AHR: variants seen among roughly 807,000 people sequenced by gnomAD.
AHR encodes the protein aryl hydrocarbon receptor, also known as AH-receptor.
A neutral mutation model predicts 86.8 loss-of-function variants in AHR; 40 were observed. The ratio of observed to expected loss-of-function variants is 0.46; its 90% CI spans 0.36 to 0.60. AHR has a LOEUF of 0.60. Among genes scored for constraint, AHR ranks in the 20% least tolerant of loss-of-function variants. The pLI, the probability that AHR is intolerant of heterozygous loss-of-function variation, is 0.00. For missense variants in AHR, 1,001 were observed against 1,011.6 expected, an observed-to-expected ratio of 0.99 and a Z score of 0.14; for synonymous variants, 398 against 354.9, an observed-to-expected ratio of 1.12 and a Z score of -1.37.
At chr7:17,333,565 A>G (rs1782322500) in intron 6 of AHR, among the ~76,000 whole-genome samples, 1 of 152,016 alleles carries the variant, frequency 6.6e-6, no homozygotes, top group South Asian at 2.1e-4. Context: ...TTAGGACTTT[A>G]TCACCATTCA....
At chr7:17,331,703 A>G (rs994635304) in intron 6 of AHR, among the ~76,000 whole-genome samples, 16 of 151,916 alleles carry the variant, frequency 1.1e-4, no homozygotes, top group African/African-American at 3.4e-4. Flanking sequence ...TCTTGTTACA[A>G]AGTCTGAACA....
intron 4 of AHR, 92 bp downstream of exon 4, chr7:17,327,940 T>C: frequency 2.5e-6 from 1 of 395,718 alleles, no homozygotes; most frequent in East Asian, 5.5e-5. Context: ...ATGTATAAAG[T>C]ATCAATATAT....
chr7:17,324,590 C>T (rs545932037), intron 3 of AHR, among the ~76,000 whole-genome samples: 1 of 152,172 alleles, frequency 6.6e-6, no homozygotes, highest in South Asian at 2.1e-4. Flanking sequence ...ATCACGAGGT[C>T]AGGAGTTCAA....
At chr7:17,317,116 G>GTTTTTTTTT (rs66779121) in intron 2 of AHR, among the ~76,000 whole-genome samples, 7 of 123,676 alleles carry the variant, frequency 5.7e-5, no homozygotes, top group Non-Finnish European at 1.1e-4. Flanking sequence ...GGAGAATTTT[G>GTTTTTTTTT]TTTTTTTTTT....
Position 17,339,186 on chromosome 7 carries a change from G to T in AHR, c.1361G>T (p.Ser454Ile). The T allele has an allele frequency of 1.2e-6, 2 of 1,614,146 alleles. No homozygotes were observed. Among genetic ancestry groups the T allele is most frequent in the Non-Finnish European group, 8.5e-7 (1 of 1,180,018 alleles). Residue 454 changes from serine to isoleucine, a missense_variant, in exon 10 of 11, where the codon AGT (serine) becomes ATT (isoleucine). Transcript: ENST00000242057. ...STLSKDSLNPSSLLAAMMQQD... is the reference protein window; with the variant it reads ...STLSKDSLNPISLLAAMMQQD... Reference sequence around the variant, plus strand: ...CTAAGCAAGGACTCTCTCAATCCTAGTTCCCTCCTGGCTGCCATGATGCAA... The same window carrying T: ...CTAAGCAAGGACTCTCTCAATCCTATTTCCCTCCTGGCTGCCATGATGCAA...
rs763620530 is a variant in AHR at position 17,299,295 on chromosome 7, G to A, written c.31G>A (p.Ala11Thr). MNSSSANITY[A>T]SRKRRKPVQK... ...CAGCAGCAGCGCCAACATCACCTAC[G>A]CCAGTCGCAAGCGGCGGAAGCCGGT... The change falls in exon 1 of 11, where the codon GCC (alanine) becomes ACC (threonine). Residue 11 changes from alanine (A) to threonine (T), a missense_variant. Coordinates refer to ENST00000242057, the MANE Select transcript of AHR (RefSeq NM_001621.5). 6.2e-7 allele frequency: 1 copy of A among 1,612,408 alleles called. No individual in the cohort carries two copies. The highest frequency in any genetic ancestry group is 8.5e-7 in the Non-Finnish European group (1 of 1,179,702).
At chr7:17,315,834 G>T (rs968079554) in intron 2 of AHR, among the ~76,000 whole-genome samples, 17 of 151,808 alleles carry the variant, frequency 1.1e-4, no homozygotes, top group African/African-American at 3.6e-4. Flanking sequence ...TGCTCTTACA[G>T]CCTTTTGACT....
In AHR at chr7:17,338,914, T is replaced by A. The variant is rs569250784; in HGVS notation, c.1161-72T>A. On this transcript the variant is annotated intron_variant, in intron 9 of 10. Transcript: ENST00000242057. ...CAATGTATTTTGCTTTATGTTTTTC[T>A]TTTTTAAATTATTTTTATTTTAAAA... The A allele has an allele frequency of 1.2e-5, 16 of 1,384,806 alleles. No individual in the cohort carries two copies. In the Admixed American group the frequency reaches 2.4e-4, roughly 21 times the overall value. 85.8% of individuals were successfully genotyped at this position (1,384,806 alleles called of 1,614,324 possible).
At chr7:17,315,063 A>T (rs1420479318) in intron 2 of AHR, among the ~76,000 whole-genome samples, 1 of 152,036 alleles carries the variant, frequency 6.6e-6, no homozygotes, top group East Asian at 1.9e-4. Context: ...AATATTCATG[A>T]TAACTTTCAT....
intron 7 of AHR, 62 bp downstream of exon 7, chr7:17,334,176 T>A (rs1782331064): frequency 1.4e-6 from 2 of 1,422,684 alleles, no homozygotes; most frequent in Admixed American, 3.4e-5. Flanking sequence ...TAAGTCTCTC[T>A]TAGCATGTAA....
At position 17,298,676 on chromosome 7, in the gene AHR, C is replaced by G. The variant is rs1003435467; in HGVS notation, c.-589C>G. 1 of 395,422 alleles carries G rather than the reference C, an allele frequency of 2.5e-6. No homozygotes were observed. Among genetic ancestry groups the G allele is most frequent in the South Asian group, 1.4e-4 (1 of 7,320 alleles). The allele number at this position is 395,422 out of a possible 1,614,324, so 24.5% of individuals were successfully genotyped here. On this transcript the variant is annotated 5_prime_UTR_variant, in exon 1 of 11. Coordinates refer to ENST00000242057, the MANE Select transcript of AHR (RefSeq NM_001621.5). The stretch of plus-strand genomic sequence containing the variant: ...CAGTGGCTGGGGAGTCCCGTCGACG[C>G]TCTGTTCCGAGAGCGTGCCCCGGAC...
chr7:17,343,019 A>G lies in AHR; in HGVS notation c.2502A>G (p.Ser834=). ...ATCTTCAGCCACTTCATCATCCGTC[A>G]GAAGCCAGACCTTTTCCTGATTTGA... ...TTHLQPLHHP[S]EARPFPDLTS... The change falls in exon 11 of 11, where the codon TCA becomes TCG. Residue 834 remains serine, a synonymous_variant. Transcript: ENST00000242057. 1 of 1,613,996 alleles carries G rather than the reference A, an allele frequency of 6.2e-7. No homozygotes were observed. The highest frequency in any genetic ancestry group is 8.5e-7 in the Non-Finnish European group (1 of 1,179,882).
At chr7:17,323,192 A>G (rs1782192505) in intron 3 of AHR, among the ~76,000 whole-genome samples, 1 of 152,126 alleles carries the variant, frequency 6.6e-6, no homozygotes, top group African/African-American at 2.4e-5. Flanking sequence ...CTCCTAGAGT[A>G]TTTTAGAGGT....
In AHR at chr7:17,327,755, G is replaced by A. The variant is rs201628252; in HGVS notation, c.361-4G>A. 516 of 1,541,142 alleles carry A rather than the reference G, an allele frequency of 3.3e-4. No homozygotes were observed. The highest frequency in any genetic ancestry group is 7.7e-5 in the Non-Finnish European group (87 of 1,129,354). Reference sequence around the variant, plus strand: ...ACTAATTTTAGAACTTCCTTTCCTTGTAGGCTCTGAATGGCTTTGTATTAG... The same window carrying A: ...ACTAATTTTAGAACTTCCTTTCCTTATAGGCTCTGAATGGCTTTGTATTAG... On this transcript the variant is annotated splice_region_variant and splice_polypyrimidine_tract_variant and intron_variant, in intron 3 of 10. Coordinates refer to ENST00000242057, the MANE Select transcript of AHR (RefSeq NM_001621.5).
chr7:17,310,767 C>T (rs748423976), intron 2 of AHR, among the ~76,000 whole-genome samples: 15 of 152,104 alleles, frequency 9.9e-5, no homozygotes, highest in Non-Finnish European at 1.8e-4. Flanking sequence ...AACTCCTGAC[C>T]TCAGGTGATC....
intron 3 of AHR, among the ~76,000 whole-genome samples, chr7:17,325,927 C>T (rs567742589): frequency 1.3e-5 from 2 of 152,274 alleles, no homozygotes; most frequent in South Asian, 2.1e-4. Context: ...CAAACCTGCA[C>T]TTGTACCACT....
chr7:17,335,306 T>A (rs1782343343), intron 8 of AHR, among the ~76,000 whole-genome samples: 1 of 152,116 alleles, frequency 6.6e-6, no homozygotes, highest in Non-Finnish European at 1.5e-5. Context: ...ATAATAGTGT[T>A]AATAATTCTA....
In AHR at chr7:17,340,152, C is replaced by A. The variant is rs1430534073; in HGVS notation, c.2327C>A (p.Pro776Gln). The change falls in exon 10 of 11, where the codon CCA becomes CAA. Residue 776 changes from proline to glutamine, a missense_variant. Around this residue, in one of 2 missense-constraint regions of AHR, gnomAD observed 607 missense variants for 543.1 expected, o/e 1.12. Transcript: ENST00000242057. The stretch of plus-strand genomic sequence containing the variant: ...GCCGTGTCGATGTATCAGTGCCAGC[C>A]AGAACCTCAGCACACCCACGTGGGT... ...AGAVSMYQCQ[P>Q]EPQHTHVGQM... The A allele has an allele frequency of 1.2e-6, 2 of 1,614,220 alleles. No individual in the cohort carries two copies. The highest frequency in any genetic ancestry group is 1.7e-6 in the Non-Finnish European group (2 of 1,180,034).
rs1460279115 is a variant in AHR at position 17,334,018 on chromosome 7, C to T, written c.812C>T (p.Pro271Leu). The part of the protein sequence containing the change: ...PQLALFAIAT[P>L]LQPPSILEIR... ...TTGGCTTTGTTTGCGATAGCTACTC[C>T]ACTTCAGCCACCATCCATACTTGAA... The change falls in exon 7 of 11, where the codon CCA becomes CTA. Residue 271 changes from proline (P) to leucine (L), a missense_variant. Pro to Leu is a moderately conservative substitution (Grantham distance 98). Coordinates refer to ENST00000242057, the MANE Select transcript of AHR (RefSeq NM_001621.5). The T allele has an allele frequency of 1.2e-6, 2 of 1,613,310 alleles. No homozygotes were observed. Among genetic ancestry groups the T allele is most frequent in the Non-Finnish European group, 1.7e-6 (2 of 1,179,496 alleles).
Sources: allele counts gnomAD v4.1 joint callset (sites outside exome capture counted in the v4.1 genomes callset), GRCh38; gene constraint gnomAD v4.1.1; regional missense constraint gnomAD v4.1.1; transcripts MANE v1.5; gene names NCBI Gene and HGNC (gene_info 2026-07-23, HGNC 2026-07-21).